ADAMTS3: variants seen among roughly 807,000 people sequenced by gnomAD.
The protein encoded by ADAMTS3 is A disintegrin and metalloproteinase with thrombospondin motifs 3.
ADAMTS3 carries 73 observed loss-of-function variants against 129.0 expected under a neutral mutation model. The ratio of observed to expected loss-of-function variants is 0.57; its 90% confidence interval spans 0.47 to 0.69. The LOEUF is 0.69. Among genes scored for constraint, ADAMTS3 ranks in the 30% least tolerant of loss-of-function variants. ADAMTS3 has a pLI of 0.00. For missense variants in ADAMTS3, 1,457 were observed against 1,514.5 expected (o/e 0.96, Z 0.63); for synonymous variants, 477 against 510.8 (o/e 0.93, Z 0.89).
intron 3 of ADAMTS3, among the ~76,000 whole-genome samples, chr4:72,501,843 C>A (rs1035225465): frequency 2.6e-5 from 4 of 152,038 alleles, no homozygotes; most frequent in African/African-American, 9.7e-5. Flanking sequence ...ATTTTATCAA[C>A]AGCTCTTTCC....
chr4:72,535,960 G>C (rs563020427), intron 3 of ADAMTS3, among the ~76,000 whole-genome samples: 48 of 152,202 alleles, frequency 3.2e-4, no homozygotes, highest in Non-Finnish European at 6.3e-4. Flanking sequence ...TTAAAATTGT[G>C]ACTTACGCCA....
intron 3 of ADAMTS3, among the ~76,000 whole-genome samples, chr4:72,472,161 T>G (rs1238203320): frequency 1.3e-5 from 2 of 152,074 alleles, no homozygotes; most frequent in Non-Finnish European, 2.9e-5. Flanking sequence ...ATAGGAGAAA[T>G]AACGTTTTTA....
intron 5 of ADAMTS3, 91 bp downstream of exon 5, chr4:72,339,403 G>A (rs1326331830): frequency 8.0e-7 from 1 of 1,256,236 alleles, no homozygotes; most frequent in Non-Finnish European, 1.1e-6. Context: ...GCACAGTCAT[G>A]GAAGTTCTCA....
chr4:72,416,067 T>C (rs1334897374), intron 3 of ADAMTS3, among the ~76,000 whole-genome samples: 1 of 151,640 alleles, frequency 6.6e-6, no homozygotes, highest in Non-Finnish European at 1.5e-5. Flanking sequence ...AGGAGTTTCT[T>C]ACTCCTTCGA....
intron 3 of ADAMTS3, among the ~76,000 whole-genome samples, chr4:72,425,505 T>C (rs1291086406): frequency 6.6e-6 from 1 of 151,960 alleles, no homozygotes; most frequent in Non-Finnish European, 1.5e-5. Context: ...CCACAACAGG[T>C]CCCGGTGTGT....
At chr4:72,552,187 C>A (rs1419027657) in intron 2 of ADAMTS3, among the ~76,000 whole-genome samples, 2 of 152,190 alleles carry the variant, frequency 1.3e-5, no homozygotes, top group Non-Finnish European at 2.9e-5. Flanking sequence ...GAATGAACTG[C>A]AAAGTCAGAA....
intron 3 of ADAMTS3, among the ~76,000 whole-genome samples, chr4:72,517,550 C>T (rs1023789002): frequency 1.3e-5 from 2 of 152,136 alleles, no homozygotes; most frequent in African/African-American, 4.8e-5. Context: ...CAACTTCTTC[C>T]TGGTTTAGTC....
chr4:72,401,481 C>A, intron 4 of ADAMTS3, among the ~76,000 whole-genome samples: 1 of 141,278 alleles, frequency 7.1e-6, no homozygotes, highest in African/African-American at 2.7e-5. Context: ...GTAGGAGAAT[C>A]ACTTGAACTG....
intron 3 of ADAMTS3, among the ~76,000 whole-genome samples, chr4:72,472,537 A>G (rs1233632925): frequency 6.6e-6 from 1 of 152,094 alleles, no homozygotes; most frequent in Non-Finnish European, 1.5e-5. Flanking sequence ...CTACTAGTCC[A>G]TGTTATGAAT....
intron 3 of ADAMTS3, among the ~76,000 whole-genome samples, chr4:72,463,237 TG>T (rs1300862591): frequency 2.0e-5 from 3 of 152,018 alleles, no homozygotes; most frequent in African/African-American, 7.2e-5. Flanking sequence ...CTATGCCATC[TG>T]GGTTTGTGTA....
chr4:72,409,486 G>A (rs1722134832), intron 4 of ADAMTS3, among the ~76,000 whole-genome samples: 1 of 152,058 alleles, frequency 6.6e-6, no homozygotes, highest in Non-Finnish European at 1.5e-5. Context: ...ATTAATGCAA[G>A]ATCAAGAACT....
intron 4 of ADAMTS3, among the ~76,000 whole-genome samples, chr4:72,400,926 T>C (rs552424735): frequency 1.2e-4 from 18 of 149,392 alleles, no homozygotes; most frequent in Admixed American, 2.7e-4. Context: ...TATATATATA[T>C]ACACATATAT....
chr4:72,281,745 T>C lies in ADAMTS3; in HGVS notation c.*1391A>G, dbSNP rs574693890. ...AGAACAAAGCATGCATCTCTAATTA[T>C]GTCTCTCTAGTTTACCAAAATATGT... On this transcript the variant is annotated 3_prime_UTR_variant, in exon 22 of 22. Transcript: ENST00000286657. 7 of 152,314 alleles carry C rather than the reference T, an allele frequency of 4.6e-5. No individual in the cohort carries two copies. The highest frequency in any genetic ancestry group is 1.7e-4 in the African/African-American group (7 of 41,580). The allele number at this position is 152,314 out of a possible 1,614,324, so 9.4% of individuals were successfully genotyped here.
chr4:72,399,564 G>C (rs941136742), intron 4 of ADAMTS3, among the ~76,000 whole-genome samples: 9 of 152,064 alleles, frequency 5.9e-5, no homozygotes, highest in African/African-American at 2.2e-4. Flanking sequence ...AGACCCTTGA[G>C]TAAGCAATGT....
chr4:72,393,231 G>T (rs1578640606), intron 4 of ADAMTS3, among the ~76,000 whole-genome samples: 1 of 152,118 alleles, frequency 6.6e-6, no homozygotes, highest in East Asian at 1.9e-4. Context: ...GCCTCCATCA[G>T]ATATTTTGCA....
intron 3 of ADAMTS3, among the ~76,000 whole-genome samples, chr4:72,473,078 T>C (rs1384809429): frequency 2.0e-5 from 3 of 152,154 alleles, no homozygotes; most frequent in Non-Finnish European, 2.9e-5. Context: ...AATTTAATAA[T>C]GTATAGCTTT....
At chr4:72,548,355 C>G in intron 3 of ADAMTS3, 123 bp downstream of exon 3, 1 of 1,059,330 alleles carries the variant, frequency 9.4e-7, no homozygotes, top group Non-Finnish European at 1.3e-6. Context: ...GTGTCTTTTT[C>G]TGAACTTAAA....
chr4:72,548,343 T>C (rs1214824456), intron 3 of ADAMTS3, 135 bp downstream of exon 3: 1 of 903,362 alleles, frequency 1.1e-6, no homozygotes, highest in African/African-American at 1.7e-5. Context: ...AAATGCTTTC[T>C]AGTGTCTTTT....
chr4:72,397,329 C>G lies in ADAMTS3; in HGVS notation c.661+17486G>C, dbSNP rs1041862369. ...ACCGTAATCCTAGCACTTTGGGAGG[C>G]CGAGGTGGGTGGATCATGTAAGGTC... On this transcript the variant is annotated intron_variant, in intron 4 of 21. Transcript: ENST00000286657. Among the ~76,000 whole-genome samples the G allele has an allele frequency of 2.0e-5, 3 of 151,908 alleles. No homozygotes were observed. In the South Asian group the frequency reaches 6.2e-4, roughly 32 times the overall value.
Sources: allele counts gnomAD v4.1 joint callset (sites outside exome capture counted in the v4.1 genomes callset), GRCh38; gene constraint gnomAD v4.1.1; transcripts MANE v1.5; gene names NCBI Gene and HGNC (gene_info 2026-07-23, HGNC 2026-07-21).